The following TENM4 variants were observed in gnomAD, a reference collection of about 807,000 sequenced individuals.
The protein encoded by TENM4 is teneurin transmembrane protein 4.
Under a neutral mutation model 243.3 loss-of-function variants are expected in TENM4, and 82 were observed. The ratio of observed to expected loss-of-function variants is 0.34; its 90% CI spans 0.28 to 0.40. TENM4 has a LOEUF of 0.40. TENM4 is among the 10% of genes least tolerant of loss of function. The pLI, the probability that TENM4 is intolerant of heterozygous loss-of-function variation, is 1.00. For missense variants in TENM4, 3,138 were observed against 3,673.3 expected, an observed-to-expected ratio of 0.85 and a Z score of 3.77; for synonymous variants, 1,412 against 1,456.3, an observed-to-expected ratio of 0.97 and a Z score of 0.69.
chr11:79,327,649 CTTTTT>C (rs11408549), intron 1 of TENM4, among the ~76,000 whole-genome samples: 3 of 119,804 alleles, frequency 2.5e-5, no homozygotes. Context: ...AATTGGAAAG[CTTTTT>C]TTTTTTTTTT....
chr11:79,018,925 G>C (rs1858849713), intron 6 of TENM4, among the ~76,000 whole-genome samples: 2 of 152,184 alleles, frequency 1.3e-5, no homozygotes, highest in African/African-American at 2.4e-5. Context: ...AGAGAGGAGA[G>C]GAGGCTTGCT....
At chr11:79,249,660 C>G (rs994653181) in intron 2 of TENM4, among the ~76,000 whole-genome samples, 17 of 152,226 alleles carry the variant, frequency 1.1e-4, no homozygotes, top group African/African-American at 3.6e-4. Context: ...CCTTTACTTT[C>G]TCTATACACA....
chr11:78,857,921 C>A (rs893468741), intron 10 of TENM4, among the ~76,000 whole-genome samples: 8 of 152,278 alleles, frequency 5.3e-5, no homozygotes, highest in African/African-American at 1.9e-4. Flanking sequence ...GGAGGCAGAA[C>A]TAAGAGGGAG....
intron 2 of TENM4, among the ~76,000 whole-genome samples, chr11:79,217,049 G>T (rs1864064516): frequency 1.3e-5 from 2 of 152,102 alleles, no homozygotes; most frequent in African/African-American, 4.8e-5. Context: ...TTCTGAACTG[G>T]GGGACACGTG....
At chr11:78,983,571 C>G (rs1857851210) in intron 6 of TENM4, among the ~76,000 whole-genome samples, 1 of 152,222 alleles carries the variant, frequency 6.6e-6, no homozygotes, top group Non-Finnish European at 1.5e-5. Context: ...AACCGACTGG[C>G]TTTTGCACAG....
intron 6 of TENM4, among the ~76,000 whole-genome samples, chr11:78,945,034 C>A (rs1856980579): frequency 6.6e-6 from 1 of 152,214 alleles, no homozygotes; most frequent in African/African-American, 2.4e-5. Context: ...CTTTGGCTAT[C>A]TTTTAGATGA....
At chr11:78,822,140 C>T (rs962384502) in intron 12 of TENM4, among the ~76,000 whole-genome samples, 3 of 152,132 alleles carry the variant, frequency 2.0e-5, no homozygotes, top group African/African-American at 4.8e-5. Context: ...GGGGATACTG[C>T]AGGGGGTATT....
At chr11:79,096,077 T>C (rs1861068974) in intron 4 of TENM4, 1 of 152,206 alleles carries the variant, frequency 6.6e-6, no homozygotes, top group Non-Finnish European at 1.5e-5. Context: ...AGTCAGAGCC[T>C]GGATTCCAAT....
chr11:78,935,048 A>G (rs1195417184), intron 6 of TENM4, among the ~76,000 whole-genome samples: 6 of 111,136 alleles, frequency 5.4e-5, no homozygotes, highest in African/African-American at 2.1e-4. Flanking sequence ...TCTGTCGCCC[A>G]GGCCGGACTG....
At chr11:79,076,327 C>A (rs2137016728) in intron 4 of TENM4, 1 of 152,450 alleles carries the variant, frequency 6.6e-6, no homozygotes, top group South Asian at 2.1e-4. Context: ...AAAGACATAC[C>A]TGAGACTGGG....
intron 1 of TENM4, among the ~76,000 whole-genome samples, chr11:79,400,506 C>A (rs1319762655): frequency 6.6e-6 from 1 of 152,156 alleles, no homozygotes. Flanking sequence ...TTTCTCCTGA[C>A]AGGCATCTCT....
At chr11:78,909,228 G>T (rs1369162984) in intron 6 of TENM4, among the ~76,000 whole-genome samples, 2 of 152,064 alleles carry the variant, frequency 1.3e-5, no homozygotes, top group East Asian at 1.9e-4. Context: ...TACACAAACT[G>T]GTGATGATAA....
At chr11:79,338,484 C>A (rs530284513) in intron 1 of TENM4, among the ~76,000 whole-genome samples, 75 of 152,348 alleles carry the variant, frequency 4.9e-4, no homozygotes, top group Admixed American at 9.8e-4. Flanking sequence ...CTCCAAGTGA[C>A]CTCTGCCCTT....
rs140831416 is a variant in TENM4, at chr11:79,395,070, A to T, written c.-321+45439T>A. Among the ~76,000 whole-genome samples, 249 of 152,338 alleles carry T rather than the reference A, an allele frequency of 1.6e-3. 1 individual carries two copies. The highest frequency in any genetic ancestry group is 5.8e-3 in the African/African-American group (242 of 41,582). ...AATTTCTGTTGTTTTAAACCATTCC[A>T]TTTGTGGTACTTTGCAATGGCAGCT... On this transcript the variant is annotated intron_variant, in intron 1 of 33. Transcript: ENST00000278550.
intron 16 of TENM4, among the ~76,000 whole-genome samples, chr11:78,786,468 C>T (rs561535238): frequency 7.2e-5 from 11 of 152,334 alleles, no homozygotes; most frequent in African/African-American, 2.6e-4. Flanking sequence ...CCACTGTATG[C>T]CAGCCTTTGC....
At chr11:79,233,480 G>A (rs1199394149) in intron 2 of TENM4, among the ~76,000 whole-genome samples, 1 of 152,168 alleles carries the variant, frequency 6.6e-6, no homozygotes, top group Non-Finnish European at 1.5e-5. Flanking sequence ...CTTGAGTGAG[G>A]ATGGTAGATG....
At chr11:79,156,910 A>T (rs1591320984) in intron 3 of TENM4, among the ~76,000 whole-genome samples, 1 of 152,204 alleles carries the variant, frequency 6.6e-6, no homozygotes, top group Non-Finnish European at 1.5e-5. Context: ...TTAAAAATAT[A>T]TGACAAAGGC....
chr11:78,718,909 A>G (rs1011381425), intron 25 of TENM4, among the ~76,000 whole-genome samples: 4 of 152,096 alleles, frequency 2.6e-5, no homozygotes, highest in Admixed American at 2.6e-4. Context: ...TTTGTTACCA[A>G]TTTCTCTTTG....
At chr11:79,413,061 A>G (rs755555583) in intron 1 of TENM4, among the ~76,000 whole-genome samples, 37 of 152,382 alleles carry the variant, frequency 2.4e-4, no homozygotes, top group Non-Finnish European at 4.6e-4. Context: ...ACTAAAGGCC[A>G]TCAAATCAGG....
Sources: allele counts gnomAD v4.1 joint callset (sites outside exome capture counted in the v4.1 genomes callset), GRCh38; gene constraint gnomAD v4.1.1; transcripts MANE v1.5; gene names NCBI Gene and HGNC (gene_info 2026-07-23, HGNC 2026-07-21).